Variants in CNTN5 observed in about 807,000 individuals in gnomAD.
CNTN5 encodes the protein contactin-5.
CNTN5 carries 77 observed loss-of-function variants against 129.1 expected under a neutral mutation model. That is an observed-to-expected ratio of 0.60 (90% CI 0.50 to 0.72). The LOEUF (loss-of-function observed/expected upper bound fraction) is 0.72. CNTN5 is among the 30% of genes least tolerant of loss of function. The probability of loss-of-function intolerance (pLI) is 0.00; values close to 1 mark genes in which losing one functional copy is unlikely to be tolerated. For missense variants in CNTN5, 1,478 were observed against 1,328.8 expected (o/e 1.11, Z -1.75); for synonymous variants, 509 against 465.6 (o/e 1.09, Z -1.20).
chr11:99,817,855 CA>C (rs75812501), intron 3 of CNTN5, among the ~76,000 whole-genome samples: 31,921 of 135,536 alleles, frequency 0.24, 3,644 homozygotes, highest in East Asian at 0.45. Flanking sequence ...TAACTCTTTT[CA>C]GTTAAAATTG....
At chr11:99,984,750 A>G (rs575180365) in intron 8 of CNTN5, among the ~76,000 whole-genome samples, 1 of 152,246 alleles carries the variant, frequency 6.6e-6, no homozygotes, top group Non-Finnish European at 1.5e-5. Context: ...AAGCACTCCT[A>G]TTACATGGAA....
At chr11:99,642,633 C>G (rs12789247) in intron 3 of CNTN5, among the ~76,000 whole-genome samples, 8,858 of 152,206 alleles carry the variant, frequency 0.058, 294 homozygotes, top group East Asian at 0.1. Flanking sequence ...AGTCTGCTAG[C>G]TATTTTGAAA....
At chr11:100,065,486 A>G (rs1943661637) in intron 10 of CNTN5, among the ~76,000 whole-genome samples, 2 of 152,110 alleles carry the variant, frequency 1.3e-5, no homozygotes, top group East Asian at 3.9e-4. Context: ...CCTTCTAGAC[A>G]TTACTACGAG....
chr11:100,053,811 A>G (rs1217053085), intron 9 of CNTN5, among the ~76,000 whole-genome samples: 1 of 151,834 alleles, frequency 6.6e-6, no homozygotes, highest in Non-Finnish European at 1.5e-5. Flanking sequence ...CAAATGTCCA[A>G]CAGTCAGCAG....
intron 2 of CNTN5, among the ~76,000 whole-genome samples, chr11:99,444,228 G>A (rs776612896): frequency 6.6e-6 from 1 of 152,026 alleles, no homozygotes; most frequent in African/African-American, 2.4e-5. Flanking sequence ...GAGAAAGAGA[G>A]AGAGAGAAAG....
Position 99,916,136 on chromosome 11 carries a change from G to T in CNTN5, c.660G>T (p.Pro220=), listed in dbSNP as rs767577401. Residue 220 remains proline (P), a synonymous_variant, in exon 7 of 25, where the codon CCG becomes CCT. Transcript: ENST00000524871. Reference sequence around the variant, plus strand: ...GTGTCGTTCTGATGTGCTCTCCTCCGCCACATTCACCAGGTACAGTAGGAT... The same window carrying T: ...GTGTCGTTCTGATGTGCTCTCCTCCTCCACATTCACCAGGTACAGTAGGAT... ...GQGVVLMCSP[P]PHSPEIIYSW... 1.2e-6 allele frequency: 2 copies of T among 1,610,768 alleles called. No homozygotes were observed. Among genetic ancestry groups the T allele is most frequent in the African/African-American group, 1.3e-5 (1 of 74,908 alleles).
intron 3 of CNTN5, among the ~76,000 whole-genome samples, chr11:99,615,945 A>G (rs1364782306): frequency 6.6e-6 from 1 of 151,896 alleles, no homozygotes; most frequent in African/African-American, 2.4e-5. Context: ...CATTTTGTTC[A>G]GGCTGGTCTT....
chr11:100,251,207 C>A (rs946850706), intron 16 of CNTN5, among the ~76,000 whole-genome samples: 2 of 152,138 alleles, frequency 1.3e-5, no homozygotes, highest in Non-Finnish European at 2.9e-5. Context: ...ATTTTAGCAG[C>A]TGACAGGCCA....
chr11:99,987,524 A>AAT (rs10674388), intron 8 of CNTN5, among the ~76,000 whole-genome samples: 2,459 of 141,246 alleles, frequency 0.017, 51 homozygotes, highest in African/African-American at 0.046. Flanking sequence ...TGTATTTATG[A>AAT]ATATATATAT....
intron 21 of CNTN5, among the ~76,000 whole-genome samples, chr11:100,314,919 T>C (rs1951548159): frequency 6.6e-6 from 1 of 152,190 alleles, no homozygotes; most frequent in Admixed American, 6.5e-5. Context: ...TTATTATTTA[T>C]TTAACTAGTA....
At chr11:99,819,473 A>G in intron 3 of CNTN5, 71 bp from the exon 4 acceptor site, 7 of 1,364,396 alleles carry the variant, frequency 5.1e-6, no homozygotes, top group Non-Finnish European at 7.2e-6. Flanking sequence ...CTTCAAAGAA[A>G]CAATCTTCAT....
chr11:99,476,161 A>AT (rs1389325052), intron 2 of CNTN5, among the ~76,000 whole-genome samples: 1 of 151,862 alleles, frequency 6.6e-6, no homozygotes, highest in Non-Finnish European at 1.5e-5. Flanking sequence ...TTTTATATTT[A>AT]TTTTTCTTTG....
chr11:99,860,602 G>T (rs532071927), intron 6 of CNTN5, among the ~76,000 whole-genome samples: 5 of 152,112 alleles, frequency 3.3e-5, no homozygotes, highest in South Asian at 2.1e-4. Context: ...CTTTGTTGAA[G>T]ATCTGATGGC....
intron 3 of CNTN5, among the ~76,000 whole-genome samples, chr11:99,643,998 CATG>C (rs1288947271): frequency 6.7e-6 from 1 of 149,014 alleles, no homozygotes; most frequent in Non-Finnish European, 1.5e-5. Context: ...TATATGCACA[CATG>C]ATAATTTTAC....
At chr11:99,704,008 A>C (rs1368064283) in intron 3 of CNTN5, among the ~76,000 whole-genome samples, 2 of 150,978 alleles carry the variant, frequency 1.3e-5, no homozygotes, top group Non-Finnish European at 3.0e-5. Context: ...CTGCTTAAGC[A>C]CCATAATAAA....
chr11:100,257,327 G>A (rs777844145), intron 17 of CNTN5, among the ~76,000 whole-genome samples: 10 of 152,152 alleles, frequency 6.6e-5, no homozygotes, highest in Non-Finnish European at 1.2e-4. Context: ...CTGGGACAGA[G>A]CACCAGGGGG....
rs1951390144 is a variant in CNTN5, at chr11:99,632,347, A to C, written c.55+76078A>C. Among the ~76,000 whole-genome samples the C allele has an allele frequency of 7.2e-5, 11 of 152,262 alleles. No homozygotes were observed. In the South Asian group the frequency reaches 2.3e-3, roughly 32 times the overall value. On this transcript the variant is annotated intron_variant, in intron 3 of 24. Coordinates refer to ENST00000524871, the MANE Select transcript of CNTN5 (RefSeq NM_014361.4). ...TATAGCTTTTCTCAACTGAACTGCA[A>C]CTAGAGTTCTGTGATTATGCTTAGG...
chr11:100,197,131 C>G (rs1328473013), intron 15 of CNTN5, among the ~76,000 whole-genome samples: 1 of 151,934 alleles, frequency 6.6e-6, no homozygotes, highest in East Asian at 1.9e-4. Context: ...AGCTGCATCT[C>G]AGACAGAGCG....
intron 3 of CNTN5, among the ~76,000 whole-genome samples, chr11:99,777,565 A>C (rs1945168247): frequency 6.6e-6 from 1 of 151,832 alleles, no homozygotes. Flanking sequence ...ATTTTATATA[A>C]GGTCAATCAA....
Sources: allele counts gnomAD v4.1 joint callset (sites outside exome capture counted in the v4.1 genomes callset), GRCh38; gene constraint gnomAD v4.1.1; transcripts MANE v1.5; gene names NCBI Gene and HGNC (gene_info 2026-07-23, HGNC 2026-07-21).